Variants in SFXN5 observed in about 807,000 individuals in gnomAD.
SFXN5 encodes sideroflexin-5.
In SFXN5, 43 loss-of-function variants were observed where a neutral mutation model predicts 50.2. The observed-to-expected ratio is 0.86, with a 90% CI of 0.67 to 1.11. SFXN5 has a LOEUF of 1.11. SFXN5 is among the 50% of genes least tolerant of loss of function. The pLI is 0.00. For missense variants in SFXN5, 463 were observed against 454.1 expected, an observed-to-expected ratio of 1.02 and a Z score of -0.18; for synonymous variants, 203 against 185.8, an observed-to-expected ratio of 1.09 and a Z score of -0.75.
At chr2:72,988,608 C>A (rs963965932) in intron 9 of SFXN5, among the ~76,000 whole-genome samples, 5 of 152,158 alleles carry the variant, frequency 3.3e-5, no homozygotes, top group Non-Finnish European at 7.3e-5. Flanking sequence ...GACATACACA[C>A]ACACACACAC....
At chr2:73,062,129 A>C (rs575227153) in intron 1 of SFXN5, among the ~76,000 whole-genome samples, 1 of 152,192 alleles carries the variant, frequency 6.6e-6, no homozygotes, top group Non-Finnish European at 1.5e-5. Flanking sequence ...AAAATAAAAT[A>C]AAGTAAAACA....
At chr2:73,062,932 C>A (rs1682920337) in intron 1 of SFXN5, among the ~76,000 whole-genome samples, 1 of 152,150 alleles carries the variant, frequency 6.6e-6, no homozygotes. Context: ...CTCCTGTGGT[C>A]TCTTCATTCA....
intron 2 of SFXN5, among the ~76,000 whole-genome samples, chr2:73,047,303 A>ATT (rs1680608262): frequency 1.6e-5 from 1 of 63,006 alleles, no homozygotes; most frequent in Non-Finnish European, 3.3e-5. Context: ...TATATAAAAT[A>ATT]TATATGTGTG....
At chr2:73,001,096 G>C (rs975330141) in intron 7 of SFXN5, among the ~76,000 whole-genome samples, 1 of 152,244 alleles carries the variant, frequency 6.6e-6, no homozygotes, top group African/African-American at 2.4e-5. Flanking sequence ...ACCAGGGTCT[G>C]TGATGCACTT....
At position 73,040,842 on chromosome 2, in the gene SFXN5, C is replaced by T. The variant is rs1490866772; in HGVS notation, c.249+12G>A. On this transcript the variant is annotated intron_variant, in intron 3 of 13. Transcript: ENST00000272433. ...TCCCCACTGGCCATGCTCCCACCTC[C>T]CACAGAGTTACCTGTTCATTGGTGA... The T allele has an allele frequency of 1.2e-6, 2 of 1,605,464 alleles. No individual in the cohort carries two copies. The highest frequency in any genetic ancestry group is 2.2e-5 in the East Asian group (1 of 44,664).
At chr2:73,057,627 C>T (rs1303515667) in intron 2 of SFXN5, among the ~76,000 whole-genome samples, 2 of 152,160 alleles carry the variant, frequency 1.3e-5, no homozygotes, top group Non-Finnish European at 2.9e-5. Context: ...TATGAAAATG[C>T]TTCACATCTT....
intron 3 of SFXN5, among the ~76,000 whole-genome samples, chr2:73,038,497 A>G (rs1350615680): frequency 6.6e-6 from 1 of 152,160 alleles, no homozygotes; most frequent in Non-Finnish European, 1.5e-5. Flanking sequence ...AAAAAAAATT[A>G]GCCAGGTGTG....
At chr2:73,061,262 C>A (rs1005804525) in intron 1 of SFXN5, among the ~76,000 whole-genome samples, 3 of 149,570 alleles carry the variant, frequency 2.0e-5, no homozygotes, top group Non-Finnish European at 3.0e-5. Flanking sequence ...GAGCAGAGAT[C>A]GCGCCACTGC....
At position 72,992,622 on chromosome 2, in the gene SFXN5, C is replaced by T. The variant is rs972894352; in HGVS notation, c.535-4274G>A. ...TTCTGGGCAGGAGCCTCCTGGGGCC[C>T]ACGTGTAACCATGGCTCCCTGGTGC... On this transcript the variant is annotated intron_variant, in intron 9 of 13. Coordinates refer to ENST00000272433, the MANE Select transcript of SFXN5 (RefSeq NM_144579.3). This position sits in a 1 kb window ranked among gnomAD's most constrained non-coding sequence, Gnocchi z 4.5. 6.6e-6 allele frequency among the ~76,000 whole-genome samples: 1 copy of T among 152,214 alleles called. No homozygotes were observed. Among genetic ancestry groups the T allele is most frequent in the Non-Finnish European group, 1.5e-5 (1 of 68,026 alleles).
intron 3 of SFXN5, 41 bp from the exon 4 acceptor site, chr2:73,023,255 T>C: frequency 6.4e-7 from 1 of 1,566,796 alleles, no homozygotes; most frequent in African/African-American, 1.4e-5. Context: ...AGAACAAAAA[T>C]TAAAAGCATA....
At position 72,960,114 on chromosome 2, in the gene SFXN5, A is replaced by G. The variant is rs1209929765; in HGVS notation, c.945+1017T>C. Reference sequence around the variant, plus strand: ...CGCCAGGGTGGAGGCCTCACCCACCACCCTCGATTCCAGCACTGTTGTCAT... The same window carrying G: ...CGCCAGGGTGGAGGCCTCACCCACCGCCCTCGATTCCAGCACTGTTGTCAT... On this transcript the variant is annotated intron_variant, in intron 13 of 13. Transcript: ENST00000272433. The surrounding 1 kb of genome is among the most constrained non-coding windows in gnomAD (Gnocchi z 6.1). Among the ~76,000 whole-genome samples the G allele has an allele frequency of 6.7e-6, 1 of 149,654 alleles. No homozygotes were observed. Among genetic ancestry groups the G allele is most frequent in the African/African-American group, 2.5e-5 (1 of 40,350 alleles).
At chr2:72,963,444 G>C (rs1298298079) in intron 12 of SFXN5, among the ~76,000 whole-genome samples, 2 of 152,010 alleles carry the variant, frequency 1.3e-5, no homozygotes, top group Non-Finnish European at 2.9e-5. Context: ...TGGGCTCCCA[G>C]CTCAGGAAGG....
intron 2 of SFXN5, among the ~76,000 whole-genome samples, chr2:73,044,310 C>G (rs1300897217): frequency 6.6e-6 from 1 of 152,234 alleles, no homozygotes; most frequent in African/African-American, 2.4e-5. Flanking sequence ...GAAGCTGGAA[C>G]CTGCTTTTCT....
Position 72,945,230 on chromosome 2 carries a change from G to A in SFXN5, c.946-131C>T. ...GCACCCCCGTGTCCACCCCAGCCAG[G>A]GCTCACATGCCCTACCTAGTGACAC... On this transcript the variant is annotated intron_variant, in intron 13 of 13. Coordinates refer to ENST00000272433, the MANE Select transcript of SFXN5 (RefSeq NM_144579.3). This position sits in a 1 kb window ranked among gnomAD's most constrained non-coding sequence, Gnocchi z 5.8. 1.3e-6 allele frequency: 1 copy of A among 780,940 alleles called. No homozygotes were observed. Among genetic ancestry groups the A allele is most frequent in the Non-Finnish European group, 2.1e-6 (1 of 466,364 alleles). The allele number at this position is 780,940 out of a possible 1,614,324, so 48.4% of individuals were successfully genotyped here. A position where few individuals can be genotyped will look rare whatever the true frequency, so the allele number is the denominator to read the frequency against.
intron 13 of SFXN5, among the ~76,000 whole-genome samples, chr2:72,946,894 G>A (rs910852826): frequency 2.6e-5 from 4 of 152,150 alleles, no homozygotes; most frequent in Non-Finnish European, 5.9e-5. Context: ...GCGCCACCCT[G>A]CTCCTTGGAC....
At position 72,960,819 on chromosome 2, in the gene SFXN5, C is replaced by T. The variant is rs147493354; in HGVS notation, c.945+312G>A. The stretch of plus-strand genomic sequence containing the variant: ...GCCACCCCTTTTCATCTGGCCAACT[C>T]CAGCCACGCTCCCAGTCCCAGTGAA... On this transcript the variant is annotated intron_variant, in intron 13 of 13. Coordinates refer to ENST00000272433, the MANE Select transcript of SFXN5 (RefSeq NM_144579.3). The surrounding 1 kb of genome is among the most constrained non-coding windows in gnomAD (Gnocchi z 6.1). Among the ~76,000 whole-genome samples, 59 of 152,298 alleles carry T rather than the reference C, an allele frequency of 3.9e-4. No individual in the cohort carries two copies. Among genetic ancestry groups the T allele is most frequent in the Non-Finnish European group, 7.1e-4 (48 of 68,032 alleles).
At chr2:72,947,664 C>T (rs1672103961) in intron 13 of SFXN5, among the ~76,000 whole-genome samples, 1 of 152,214 alleles carries the variant, frequency 6.6e-6, no homozygotes, top group African/African-American at 2.4e-5. Context: ...AGGACTAGAG[C>T]TGGTGGGCAC....
intron 7 of SFXN5, 113 bp from the exon 8 acceptor site, chr2:73,000,600 C>T: frequency 9.9e-7 from 1 of 1,006,210 alleles, no homozygotes; most frequent in Non-Finnish European, 1.5e-6. Flanking sequence ...CGGTCTCCAG[C>T]TCACATGGTG....
intron 9 of SFXN5, among the ~76,000 whole-genome samples, chr2:72,990,378 G>A (rs946887801): frequency 1.3e-5 from 2 of 152,246 alleles, no homozygotes; most frequent in East Asian, 3.9e-4. Context: ...GGGCCCTGCT[G>A]CCCCCGCCAC....
Sources: gnomAD v4.1 joint callset for allele counts (sites outside exome capture counted in the v4.1 genomes callset) on GRCh38, gnomAD v4.1.1 for gene constraint, Gnocchi (gnomAD v3.1) non-coding constraint, MANE v1.5 for transcripts, NCBI Gene and HGNC (gene_info 2026-07-23, HGNC 2026-07-21) for gene names.